KCNN2: variants seen among roughly 807,000 people sequenced by gnomAD.
KCNN2 encodes potassium calcium-activated channel subfamily N member 2.
A neutral mutation model predicts 55.5 loss-of-function variants in KCNN2; 24 were observed. The observed-to-expected ratio is 0.43, with a 90% confidence interval of 0.31 to 0.61. KCNN2 has a LOEUF of 0.61. Among genes scored for constraint, KCNN2 ranks in the 20% least tolerant of loss-of-function variants. The probability of loss-of-function intolerance (pLI) is 0.08; values close to 1 mark genes in which losing one functional copy is unlikely to be tolerated. For synonymous variants in KCNN2, 431 were observed against 336.1 expected, an observed-to-expected ratio of 1.28 and a Z score of -3.09; for missense variants, 754 against 853.6, an observed-to-expected ratio of 0.88 and a Z score of 1.45.
intron 2 of KCNN2, among the ~76,000 whole-genome samples, chr5:114,393,264 T>A (rs996938727): frequency 6.6e-6 from 1 of 152,220 alleles, no homozygotes; most frequent in African/African-American, 2.4e-5. Flanking sequence ...GGTTTAAAGG[T>A]TAACCAAGAC....
chr5:114,191,539 A>G (rs1007308515), intron 1 of KCNN2, among the ~76,000 whole-genome samples: 3 of 152,170 alleles, frequency 2.0e-5, no homozygotes, highest in African/African-American at 7.2e-5. Flanking sequence ...TAATAAAAAA[A>G]TTATAATTTA....
intron 3 of KCNN2, among the ~76,000 whole-genome samples, chr5:114,406,582 T>C (rs1758941437): frequency 6.6e-6 from 1 of 152,132 alleles, no homozygotes; most frequent in Non-Finnish European, 1.5e-5. Flanking sequence ...TTTTATTTGC[T>C]TAGTTTTCTG....
At position 114,493,599 on chromosome 5, in the gene KCNN2, C is replaced by T. The variant is rs1467967914; in HGVS notation, c.2088+127C>T. 5.9e-6 allele frequency: 4 copies of T among 675,924 alleles called. No individual in the cohort carries two copies. The Admixed American group carries it at 7.4e-5, about 12-fold the overall frequency. 41.9% of individuals were successfully genotyped at this position (675,924 alleles called of 1,614,324 possible). A position where few individuals can be genotyped will look rare whatever the true frequency, so the allele number is the denominator to read the frequency against. Reference sequence around the variant, plus strand: ...ATTAATAAATCAAACCAGCAAAGCACCCTAAAATGATGGTCCAACTTAAAA... The same window carrying T: ...ATTAATAAATCAAACCAGCAAAGCATCCTAAAATGATGGTCCAACTTAAAA... On this transcript the variant is annotated intron_variant, in intron 7 of 7. Coordinates refer to ENST00000673685, the MANE Select transcript of KCNN2 (RefSeq NM_021614.4).
intron 2 of KCNN2, among the ~76,000 whole-genome samples, chr5:114,242,966 C>T (rs62382892): frequency 0.087 from 13,291 of 152,046 alleles, 669 homozygotes; most frequent in Middle Eastern, 0.14. Flanking sequence ...AGTGTTTTCT[C>T]AGTGTCAAAT....
intron 1 of KCNN2, among the ~76,000 whole-genome samples, chr5:114,092,465 G>A (rs1490660806): frequency 6.6e-6 from 1 of 152,138 alleles, no homozygotes; most frequent in Admixed American, 6.5e-5. Context: ...AGCTGTCAAT[G>A]GATCTGTCAT....
Position 114,362,896 on chromosome 5 carries a change from G to C in KCNN2, c.757G>C (p.Gly253Arg). The C allele has an allele frequency of 6.3e-7, 1 of 1,595,594 alleles. No homozygotes were observed. The highest frequency in any genetic ancestry group is 8.5e-7 in the Non-Finnish European group (1 of 1,178,068). Residue 253 changes from glycine (G) to arginine (R), a missense_variant, in exon 1 of 8, where the codon GGA becomes CGA. Physicochemically the swap from Gly to Arg is moderately radical, Grantham distance 125. Around this residue, in one of 4 missense-constraint regions of KCNN2, gnomAD observed 381 missense variants for 259.1 expected, o/e 1.47. Coordinates refer to ENST00000673685, the MANE Select transcript of KCNN2 (RefSeq NM_021614.4). Reference sequence around the variant, plus strand: ...GCCCCTGCAGCCCCCCGCGTCTGTCGGAGGAGGTGGCGGCGCGTCCTCCCC... The same window carrying C: ...GCCCCTGCAGCCCCCCGCGTCTGTCCGAGGAGGTGGCGGCGCGTCCTCCCC... ...AQPLQPPASV[G>R]GGGGASSPSA...
Position 114,078,294 on chromosome 5 carries a change from G to C in KCNN2, c.-271+21794G>C, listed in dbSNP as rs111377295. 2.2e-4 allele frequency among the ~76,000 whole-genome samples: 34 copies of C among 152,310 alleles called. 2 individuals are homozygous for C. The highest frequency in any genetic ancestry group is 8.2e-4 in the African/African-American group (34 of 41,566). ...GAACACATATGACCAACAAAGCAAT[G>C]ACCTTGATGGAAAATTGAGAATGAG... On this transcript the variant is annotated intron_variant, in intron 1 of 10. Transcript: ENST00000512097.
At chr5:114,128,941 T>C (rs1010506452) in intron 1 of KCNN2, among the ~76,000 whole-genome samples, 38 of 152,350 alleles carry the variant, frequency 2.5e-4, no homozygotes, top group African/African-American at 8.7e-4. Flanking sequence ...AGAATCATTG[T>C]GTTATGCTAC....
intron 1 of KCNN2, among the ~76,000 whole-genome samples, chr5:114,115,045 G>T (rs1751683716): frequency 6.6e-6 from 1 of 152,076 alleles, no homozygotes; most frequent in Admixed American, 6.5e-5. Flanking sequence ...TGAGTTAATA[G>T]AATTGCTGTG....
intron 2 of KCNN2, among the ~76,000 whole-genome samples, chr5:114,387,705 T>C (rs1159900036): frequency 1.3e-5 from 2 of 152,170 alleles, no homozygotes; most frequent in Non-Finnish European, 2.9e-5. Flanking sequence ...ATAGAGCCTC[T>C]TTGTTGTACA....
intron 3 of KCNN2, among the ~76,000 whole-genome samples, chr5:114,443,366 G>C (rs1463847022): frequency 6.6e-6 from 1 of 151,928 alleles, no homozygotes; most frequent in Non-Finnish European, 1.5e-5. Flanking sequence ...AGTACTAACA[G>C]TTGATTTAAA....
intron 1 of KCNN2, among the ~76,000 whole-genome samples, chr5:114,112,459 A>G (rs928420471): frequency 6.6e-6 from 1 of 152,108 alleles, no homozygotes; most frequent in Admixed American, 6.6e-5. Flanking sequence ...CACATGTACC[A>G]TAGAACCAAA....
chr5:114,416,312 T>C (rs992615060), intron 3 of KCNN2, among the ~76,000 whole-genome samples: 7 of 152,202 alleles, frequency 4.6e-5, no homozygotes, highest in Non-Finnish European at 8.8e-5. Flanking sequence ...CACAGCTTTC[T>C]TCATGACCAA....
intron 2 of KCNN2, among the ~76,000 whole-genome samples, chr5:114,291,945 T>C (rs1389819240): frequency 6.6e-6 from 1 of 152,232 alleles, no homozygotes; most frequent in Non-Finnish European, 1.5e-5. Context: ...TGGCCAGTGA[T>C]GATGAGCATT....
At chr5:114,286,073 C>G (rs982681955) in intron 2 of KCNN2, among the ~76,000 whole-genome samples, 2 of 152,038 alleles carry the variant, frequency 1.3e-5, no homozygotes, top group African/African-American at 4.8e-5. Context: ...GCATGTGCCA[C>G]CATGCCTGGC....
At chr5:114,151,933 T>G (rs559832472) in intron 1 of KCNN2, among the ~76,000 whole-genome samples, 16 of 152,200 alleles carry the variant, frequency 1.1e-4, no homozygotes, top group Non-Finnish European at 1.0e-4. Flanking sequence ...TAGATAAAAA[T>G]GAGGAAATTA....
chr5:114,358,903 GA>G (rs1384802464), upstream of KCNN2, among the ~76,000 whole-genome samples: 1 of 152,178 alleles, frequency 6.6e-6, no homozygotes, highest in African/African-American at 2.4e-5. Flanking sequence ...GAGGAATGAT[GA>G]AAATAAGAAC....
At chr5:114,325,689 A>G (rs901023463) in intron 2 of KCNN2, among the ~76,000 whole-genome samples, 1 of 152,218 alleles carries the variant, frequency 6.6e-6, no homozygotes, top group Admixed American at 6.5e-5. Flanking sequence ...ACATACACCA[A>G]CATAGTCACC....
At chr5:114,164,128 A>G (rs1281623224) in intron 1 of KCNN2, among the ~76,000 whole-genome samples, 1 of 152,218 alleles carries the variant, frequency 6.6e-6, no homozygotes, top group Non-Finnish European at 1.5e-5. Flanking sequence ...AAAGTATTAC[A>G]AAAGTATTAC....
Sources: gnomAD v4.1 joint callset for allele counts (sites outside exome capture counted in the v4.1 genomes callset) on GRCh38, gnomAD v4.1.1 for gene constraint, gnomAD v4.1.1 regional missense constraint, MANE v1.5 for transcripts, NCBI Gene and HGNC (gene_info 2026-07-23, HGNC 2026-07-21) for gene names.